The following NOX4 variants were observed in gnomAD, a reference collection of about 807,000 sequenced individuals.
The protein encoded by NOX4 is NADPH oxidase 4.
NOX4 carries 69 observed loss-of-function variants against 87.6 expected under a neutral mutation model. The observed-to-expected ratio is 0.79, with a 90% CI of 0.65 to 0.96. The LOEUF (loss-of-function observed/expected upper bound fraction) is 0.96. Among genes scored for constraint, NOX4 ranks in the 40% least tolerant of loss-of-function variants. NOX4 has a pLI of 0.00. For missense variants in NOX4, 680 were observed against 681.5 expected, an observed-to-expected ratio of 1.00 and a Z score of 0.02; for synonymous variants, 275 against 238.2, an observed-to-expected ratio of 1.15 and a Z score of -1.42.
intron 2 of NOX4, among the ~76,000 whole-genome samples, chr11:89,482,373 G>A (rs1316822990): frequency 6.6e-6 from 1 of 152,060 alleles, no homozygotes; most frequent in African/African-American, 2.4e-5. Context: ...AACTCACAAT[G>A]TAACTATATT....
chr11:89,427,956 G>C (rs1254887500), intron 7 of NOX4, among the ~76,000 whole-genome samples: 3 of 152,142 alleles, frequency 2.0e-5, no homozygotes, highest in Admixed American at 2.0e-4. Context: ...AAAATGTTAA[G>C]GGCAGCCAGA....
Position 89,352,333 on chromosome 11 carries a change from AAGG to A in NOX4, c.1217+2626_1217+2628del, listed in dbSNP as rs528007547. 3.0e-3 allele frequency among the ~76,000 whole-genome samples: 452 copies of A among 152,266 alleles called. 3 individuals are homozygous for A. Among genetic ancestry groups the A allele is most frequent in the African/African-American group, 0.01 (433 of 41,552 alleles). ...ACCAACAGCTATGATGTAGATGTAC[AAGG>A]AGATGAATGTTGTTTGCAGGCCTGC... is the stretch of plus-strand genomic sequence containing the variant. On this transcript the variant is annotated intron_variant, in intron 13 of 17. Transcript: ENST00000263317.
intron 4 of NOX4, 100 bp downstream of exon 4, chr11:89,449,340 A>T (rs752809566): frequency 3.2e-5 from 26 of 819,084 alleles, no homozygotes; most frequent in Non-Finnish European, 4.7e-5. Context: ...GAAGAATAAG[A>T]TTAGGGAAAA....
the NOX4 span, among the ~76,000 whole-genome samples, chr11:89,561,426 T>C: frequency 6.6e-6 from 1 of 152,040 alleles, no homozygotes; most frequent in Admixed American, 6.6e-5. Context: ...CCTTGAACAA[T>C]CTATACAACT....
At chr11:89,409,698 GCAAA>G (rs1376228444) in intron 8 of NOX4, among the ~76,000 whole-genome samples, 4 of 151,878 alleles carry the variant, frequency 2.6e-5, no homozygotes, top group African/African-American at 9.7e-5. Flanking sequence ...TTGGAAGTTG[GCAAA>G]CAAAATTGGA....
Position 89,329,669 on chromosome 11 carries a change from G to C in NOX4, c.1617-2793C>G, listed in dbSNP as rs552253857. Among the ~76,000 whole-genome samples the C allele has an allele frequency of 2.0e-4, 30 of 151,850 alleles. 1 individual carries two copies. Among genetic ancestry groups the C allele is most frequent in the Admixed American group, 1.5e-3 (23 of 15,232 alleles). Reference sequence around the variant, plus strand: ...ATAAGAATGAAATATAAGAATGAAAGTGAACTTTTTGTCATAAACTATGCA... The same window carrying C: ...ATAAGAATGAAATATAAGAATGAAACTGAACTTTTTGTCATAAACTATGCA... On this transcript the variant is annotated intron_variant, in intron 17 of 17. Transcript: ENST00000263317.
the NOX4 span, among the ~76,000 whole-genome samples, chr11:89,507,587 T>A: frequency 6.6e-6 from 1 of 151,858 alleles, no homozygotes; most frequent in Admixed American, 6.6e-5. Context: ...TATAAATGAC[T>A]TTTTGCTAAA....
chr11:89,491,522 A>G (rs1352013417), upstream of NOX4: 4 of 454,932 alleles, frequency 8.8e-6, no homozygotes, highest in African/African-American at 8.3e-5. Flanking sequence ...CGCGCGGCCC[A>G]GGCTGCACCA....
the NOX4 span, among the ~76,000 whole-genome samples, chr11:89,550,604 G>A: frequency 6.6e-6 from 1 of 152,120 alleles, no homozygotes; most frequent in Non-Finnish European, 1.5e-5. Flanking sequence ...CTTTTGAGAA[G>A]TGTGTGTTCA....
intron 17 of NOX4, among the ~76,000 whole-genome samples, chr11:89,329,375 A>AAAAAAAAG (rs1945365476): frequency 7.0e-6 from 1 of 143,342 alleles, no homozygotes; most frequent in Non-Finnish European, 1.5e-5. Context: ...AAAAAAAAAA[A>AAAAAAAAG]GAACAGAGCA....
intron 2 of NOX4, among the ~76,000 whole-genome samples, chr11:89,456,999 C>T (rs918989422): frequency 2.0e-5 from 3 of 152,146 alleles, no homozygotes; most frequent in African/African-American, 7.2e-5. Context: ...CTGCTTGAAG[C>T]ACAGCCTCTG....
intron 9 of NOX4, among the ~76,000 whole-genome samples, chr11:89,402,018 T>A (rs1446246517): frequency 6.6e-6 from 1 of 152,092 alleles, no homozygotes; most frequent in Non-Finnish European, 1.5e-5. Flanking sequence ...TTTTTATTAT[T>A]CAATCAGCTT....
chr11:89,436,823 T>A (rs975202905), intron 6 of NOX4, among the ~76,000 whole-genome samples: 1 of 152,118 alleles, frequency 6.6e-6, no homozygotes, highest in African/African-American at 2.4e-5. Flanking sequence ...AAATGAACAT[T>A]TAAATAATTC....
chr11:89,438,818 T>TGTATAA (rs1273820532), intron 6 of NOX4, among the ~76,000 whole-genome samples: 1 of 3,662 alleles, frequency 2.7e-4, no homozygotes, highest in African/African-American at 1.8e-3. Context: ...ATTATATATA[T>TGTATAA]TATATAATAT....
chr11:89,576,692 T>G, the NOX4 span, among the ~76,000 whole-genome samples: 1 of 152,292 alleles, frequency 6.6e-6, no homozygotes, highest in Non-Finnish European at 1.5e-5. Context: ...CTCAAAAAGC[T>G]TTTGGCTTAT....
chr11:89,528,281 A>T, the NOX4 span, among the ~76,000 whole-genome samples: 1 of 152,154 alleles, frequency 6.6e-6, no homozygotes, highest in African/African-American at 2.4e-5. Flanking sequence ...AGGTGAAAGC[A>T]GCTTGCCATG....
At chr11:89,466,568 A>G (rs1945704444) in intron 2 of NOX4, among the ~76,000 whole-genome samples, 1 of 152,188 alleles carries the variant, frequency 6.6e-6, no homozygotes. Context: ...CACTTATATT[A>G]TTAATCGAAC....
chr11:89,432,816 G>T lies in NOX4; in HGVS notation c.516C>A (p.Phe172Leu). The change falls in exon 7 of 18, where the codon TTC becomes TTA. Residue 172 changes from phenylalanine (F) to leucine (L), a missense_variant. Coordinates refer to ENST00000263317, the MANE Select transcript of NOX4 (RefSeq NM_016931.5). The part of the protein sequence containing the change: ...LTGVCMVVVL[F>L]LMITASTYAI... Reference sequence around the variant, plus strand: ...CATATGTAGAGGCTGTGATCATGAGGAATAGCACCACCACCATGCAGACCC... The same window carrying T: ...CATATGTAGAGGCTGTGATCATGAGTAATAGCACCACCACCATGCAGACCC... 6.2e-7 allele frequency: 1 copy of T among 1,611,420 alleles called. No homozygotes were observed. The highest frequency in any genetic ancestry group is 8.5e-7 in the Non-Finnish European group (1 of 1,178,226).
chr11:89,346,363 A>G (rs1364154223), intron 13 of NOX4, among the ~76,000 whole-genome samples: 2 of 152,168 alleles, frequency 1.3e-5, no homozygotes, highest in Non-Finnish European at 2.9e-5. Context: ...TAATCATGCT[A>G]ACAAAATTAT....
Sources: allele counts gnomAD v4.1 joint callset (sites outside exome capture counted in the v4.1 genomes callset), GRCh38; gene constraint gnomAD v4.1.1; transcripts MANE v1.5; gene names NCBI Gene and HGNC (gene_info 2026-07-23, HGNC 2026-07-21).